Variants in CDH18 observed in about 807,000 individuals in gnomAD.
CDH18 encodes cadherin-18.
CDH18 carries 31 observed loss-of-function variants against 67.9 expected under a neutral mutation model. The observed-to-expected ratio is 0.46, with a 90% CI of 0.34 to 0.62. The LOEUF is 0.62. Among genes scored for constraint, CDH18 ranks in the 20% least tolerant of loss-of-function variants. The probability of loss-of-function intolerance (pLI) is 0.01; values close to 1 mark genes in which losing one functional copy is unlikely to be tolerated. For missense variants in CDH18, 890 were observed against 975.5 expected (o/e 0.91, Z 1.17); for synonymous variants, 362 against 347.2 (o/e 1.04, Z -0.48).
At chr5:20,056,479 T>TTTTTTTTTTTTTTTTTTTTTTTTTTTTTG (rs1491272186) in intron 2 of CDH18, among the ~76,000 whole-genome samples, 1 of 38,842 alleles carries the variant, frequency 2.6e-5, no homozygotes, top group African/African-American at 1.3e-4. Context: ...CTTTCTTTTG[T>TTTTTTTTTTTTTTTTTTTTTTTTTTTTTG]TTTTTTTTTT....
intron 3 of CDH18, among the ~76,000 whole-genome samples, chr5:19,758,714 T>A (rs1485035290): frequency 6.6e-6 from 1 of 152,192 alleles, no homozygotes; most frequent in East Asian, 1.9e-4. Context: ...ATCCTTCACC[T>A]TAGAAGGGAT....
intron 1 of CDH18, among the ~76,000 whole-genome samples, chr5:20,413,982 T>C (rs1747042359): frequency 6.6e-6 from 1 of 152,158 alleles, no homozygotes; most frequent in Non-Finnish European, 1.5e-5. Context: ...CTTGAATTAA[T>C]TTTTATATAA....
At chr5:20,365,094 T>C (rs535430059) in intron 1 of CDH18, among the ~76,000 whole-genome samples, 96 of 152,294 alleles carry the variant, frequency 6.3e-4, no homozygotes, top group Non-Finnish European at 1.3e-3. Context: ...GACCGGATGA[T>C]TTAAACAGCA....
chr5:20,110,207 A>T (rs1747340995), intron 2 of CDH18, among the ~76,000 whole-genome samples: 1 of 152,236 alleles, frequency 6.6e-6, no homozygotes, highest in South Asian at 2.1e-4. Flanking sequence ...CAAAGTACAT[A>T]ATGTACAAAA....
At chr5:20,211,213 C>T (rs1740325093) in intron 2 of CDH18, among the ~76,000 whole-genome samples, 1 of 152,098 alleles carries the variant, frequency 6.6e-6, no homozygotes, top group South Asian at 2.1e-4. Flanking sequence ...AGAGGGGCGT[C>T]TGTCATTGCT....
intron 2 of CDH18, among the ~76,000 whole-genome samples, chr5:20,094,139 G>T (rs1240228728): frequency 6.6e-6 from 1 of 152,090 alleles, no homozygotes; most frequent in Non-Finnish European, 1.5e-5. Flanking sequence ...TTTAAATTAA[G>T]TATCATCACA....
intron 5 of CDH18, among the ~76,000 whole-genome samples, chr5:19,667,131 T>C (rs1317740210): frequency 6.6e-6 from 1 of 151,842 alleles, no homozygotes; most frequent in Non-Finnish European, 1.5e-5. Context: ...TATTTATAAA[T>C]TAGCAATTAA....
intron 3 of CDH18, among the ~76,000 whole-genome samples, chr5:19,754,057 CA>C (rs1284073016): frequency 6.6e-6 from 1 of 151,938 alleles, no homozygotes; most frequent in Non-Finnish European, 1.5e-5. Flanking sequence ...ACCTATAAAA[CA>C]AAATAGAACT....
intron 8 of CDH18, among the ~76,000 whole-genome samples, chr5:19,564,977 C>T (rs147387383): frequency 1.3e-4 from 19 of 151,958 alleles, no homozygotes; most frequent in South Asian, 8.3e-4. Context: ...GAGGGAAGAG[C>T]GGGAAGAACT....
chr5:20,304,752 CT>C, intron 1 of CDH18: 1 of 1,611,200 alleles, frequency 6.2e-7, no homozygotes, highest in Non-Finnish European at 8.5e-7. Flanking sequence ...AAAACGCTGA[CT>C]CTTGCTGTAA....
intron 2 of CDH18, among the ~76,000 whole-genome samples, chr5:20,084,161 C>T (rs992319883): frequency 6.6e-6 from 1 of 152,144 alleles, no homozygotes; most frequent in African/African-American, 2.4e-5. Flanking sequence ...TTCCTAGATA[C>T]AGTTGGGGTC....
chr5:20,028,545 T>A (rs561887032), intron 2 of CDH18, among the ~76,000 whole-genome samples: 9 of 152,272 alleles, frequency 5.9e-5, no homozygotes, highest in African/African-American at 2.2e-4. Context: ...AAAGAAGTTT[T>A]CCATACGGTA....
chr5:19,499,184 C>A (rs1290672180), intron 11 of CDH18, among the ~76,000 whole-genome samples: 1 of 152,140 alleles, frequency 6.6e-6, no homozygotes, highest in East Asian at 1.9e-4. Context: ...GAAAACATTA[C>A]CACTTAGATT....
At chr5:19,541,550 T>C (rs1239540351) in intron 9 of CDH18, among the ~76,000 whole-genome samples, 3 of 152,168 alleles carry the variant, frequency 2.0e-5, no homozygotes, top group Non-Finnish European at 4.4e-5. Flanking sequence ...AAAGGTTTAA[T>C]GGACTTAGTT....
chr5:20,103,533 G>A (rs1180483518), intron 2 of CDH18, among the ~76,000 whole-genome samples: 2 of 149,832 alleles, frequency 1.3e-5, no homozygotes, highest in Non-Finnish European at 3.0e-5. Context: ...AGACCAGCTT[G>A]GCCAACATAG....
chr5:20,153,274 G>T (rs756850104), intron 2 of CDH18, among the ~76,000 whole-genome samples: 12 of 151,934 alleles, frequency 7.9e-5, no homozygotes, highest in Non-Finnish European at 1.8e-4. Flanking sequence ...AAAATCTTTG[G>T]TTTCTAAACA....
intron 2 of CDH18, among the ~76,000 whole-genome samples, chr5:20,044,373 G>T (rs1243224403): frequency 1.3e-5 from 2 of 152,004 alleles, no homozygotes; most frequent in Non-Finnish European, 2.9e-5. Flanking sequence ...GATGTACCCT[G>T]TAAATAATTA....
chr5:19,593,576 T>C (rs551352073), intron 6 of CDH18, among the ~76,000 whole-genome samples: 67 of 150,204 alleles, frequency 4.5e-4, no homozygotes, highest in Admixed American at 8.0e-4. Context: ...TCTTTCCCAC[T>C]TCTGTCTCCC....
intron 9 of CDH18, among the ~76,000 whole-genome samples, chr5:19,527,389 A>G (rs1163588769): frequency 2.0e-5 from 3 of 151,686 alleles, no homozygotes; most frequent in Non-Finnish European, 3.0e-5. Context: ...AACTCTCACA[A>G]TGTCTGGTAC....
Sources: gnomAD v4.1 joint callset for allele counts (sites outside exome capture counted in the v4.1 genomes callset) on GRCh38, gnomAD v4.1.1 for gene constraint, MANE v1.5 for transcripts, NCBI Gene and HGNC (gene_info 2026-07-23, HGNC 2026-07-21) for gene names.